Variants in GIPR observed in about 807,000 individuals in gnomAD.
The protein encoded by GIPR is GIP-R.
In GIPR, 74 loss-of-function variants were observed where a neutral mutation model predicts 62.2. The ratio of observed to expected loss-of-function variants is 1.19; its 90% CI spans 0.99 to 1.44. The LOEUF is 1.44. GIPR is among the 40% of genes most tolerant of loss of function. The pLI, the probability that GIPR is intolerant of heterozygous loss-of-function variation, is 0.00. For missense variants in GIPR, 664 were observed against 611.8 expected (o/e 1.09, Z -0.90); for synonymous variants, 256 against 262.2 (o/e 0.98, Z 0.23).
chr19:45,680,691 C>T (rs1440552477), intron 12 of GIPR, among the ~76,000 whole-genome samples: 3 of 151,178 alleles, frequency 2.0e-5, no homozygotes, highest in Non-Finnish European at 4.4e-5. Flanking sequence ...ATTAGCTAGG[C>T]GTGGGGGCGC....
intron 4 of GIPR, among the ~76,000 whole-genome samples, chr19:45,671,714 C>T (rs1737599220): frequency 6.6e-6 from 1 of 152,226 alleles, no homozygotes; most frequent in African/African-American, 2.4e-5. Flanking sequence ...ATTCTCCAGC[C>T]TCAGCCTCCC....
At chr19:45,672,719 AT>A in intron 4 of GIPR, 131 bp from the exon 5 acceptor site, 1 of 379,068 alleles carries the variant, frequency 2.6e-6, no homozygotes, top group Non-Finnish European at 4.6e-6. Flanking sequence ...ATAAGGGTTT[AT>A]CATCATCATC....
chr19:45,680,059 C>T (rs1005075600), intron 12 of GIPR, among the ~76,000 whole-genome samples: 11 of 152,092 alleles, frequency 7.2e-5, no homozygotes, highest in Admixed American at 2.0e-4. Flanking sequence ...TGTGAGCCAC[C>T]GCGCCTGGCC....
At chr19:45,673,007 A>T in intron 5 of GIPR, 53 bp downstream of exon 5, 1 of 1,065,188 alleles carries the variant, frequency 9.4e-7, no homozygotes, top group South Asian at 1.2e-5. Flanking sequence ...ATGGAAAGGC[A>T]GTAGATTCAG....
At chr19:45,669,629 G>A in intron 2 of GIPR, 37 bp downstream of exon 2, 1 of 1,552,036 alleles carries the variant, frequency 6.4e-7, no homozygotes, top group Non-Finnish European at 8.7e-7. Flanking sequence ...TCCAGGCTTG[G>A]AGGGAGGTAT....
chr19:45,671,270 C>T lies in GIPR; in HGVS notation c.173-15C>T, dbSNP rs1315860732. The T allele has an allele frequency of 6.6e-6, 10 of 1,521,388 alleles. No homozygotes were observed. The highest frequency in any genetic ancestry group is 9.1e-6 in the Non-Finnish European group (10 of 1,098,808). The allele number at this position is 1,521,388 out of a possible 1,614,324, so 94.2% of individuals were successfully genotyped here. ...GTAGGTCCACTGGGCACCTGGCCCCCGTGCCCACCCCCAGGCCTCGCCTGT... is the reference window on the plus strand; with the variant it reads ...GTAGGTCCACTGGGCACCTGGCCCCTGTGCCCACCCCCAGGCCTCGCCTGT... On this transcript the variant is annotated splice_polypyrimidine_tract_variant and intron_variant, in intron 3 of 13. Transcript: ENST00000590918.
Position 45,682,199 on chromosome 19 carries a change from G to A in GIPR, c.*264G>A, listed in dbSNP as rs73042335. The A allele has an allele frequency of 0.064, 32,200 of 504,392 alleles. 1,207 individuals carry two copies. The highest frequency in any genetic ancestry group is 0.11 in the East Asian group (3,110 of 27,248). 31.2% of individuals were successfully genotyped at this position (504,392 alleles called of 1,614,324 possible). A position where few individuals can be genotyped will look rare whatever the true frequency, so the allele number is the denominator to read the frequency against. Reference sequence around the variant, plus strand: ...GCGTCTCCAAGGAGGTGACACTTAAGCCATCCCCGAAAGAGGTGAAAGAGA... The same window carrying A: ...GCGTCTCCAAGGAGGTGACACTTAAACCATCCCCGAAAGAGGTGAAAGAGA... On this transcript the variant is annotated 3_prime_UTR_variant, in exon 14 of 14. Coordinates refer to ENST00000590918, the MANE Select transcript of GIPR (RefSeq NM_000164.4).
intron 12 of GIPR, among the ~76,000 whole-genome samples, chr19:45,679,035 G>A (rs1967099765): frequency 6.6e-6 from 1 of 152,216 alleles, no homozygotes; most frequent in African/African-American, 2.4e-5. Context: ...ACTAGTCTCA[G>A]TGGACAAGGC....
intron 4 of GIPR, among the ~76,000 whole-genome samples, chr19:45,671,796 A>T (rs1398024574): frequency 2.7e-5 from 4 of 147,486 alleles, no homozygotes; most frequent in African/African-American, 1.0e-4. Flanking sequence ...TTATATATAT[A>T]TTTTTAGTAC....
Position 45,677,781 on chromosome 19 carries a change from T to A in GIPR, c.924+2T>A. On this transcript the variant is annotated splice_donor_variant, in intron 10 of 13. Transcript: ENST00000590918. LOFTEE classifies it high-confidence loss of function. ...ACCCCCATCCTCATGACCATCTTGGTAGGATCGGTCCCGCCTCCACCAGGC... is the reference window on the plus strand; with the variant it reads ...ACCCCCATCCTCATGACCATCTTGGAAGGATCGGTCCCGCCTCCACCAGGC... 6.2e-7 allele frequency: 1 copy of A among 1,612,390 alleles called. No homozygotes were observed. Among genetic ancestry groups the A allele is most frequent in the Non-Finnish European group, 8.5e-7 (1 of 1,178,456 alleles).
Position 45,682,587 on chromosome 19 carries a change from G to A in GIPR, c.*652G>A, listed in dbSNP as rs1967306215. The A allele has an allele frequency of 7.1e-6, 1 of 141,530 alleles. No homozygotes were observed. The highest frequency in any genetic ancestry group is 7.2e-5 in the Admixed American group (1 of 13,808). 8.8% of individuals were successfully genotyped at this position (141,530 alleles called of 1,614,324 possible). On this transcript the variant is annotated 3_prime_UTR_variant, in exon 14 of 14. Transcript: ENST00000590918. ...GCTTTTTTTTTTTTTTTTAAACGGAGTCTCACTCTGTCACCCAGGCTGGAG... is the reference window on the plus strand; with the variant it reads ...GCTTTTTTTTTTTTTTTTAAACGGAATCTCACTCTGTCACCCAGGCTGGAG...
chr19:45,681,332 TA>T (rs1025547510), intron 12 of GIPR, among the ~76,000 whole-genome samples: 46 of 152,078 alleles, frequency 3.0e-4, no homozygotes, highest in African/African-American at 1.1e-3. Flanking sequence ...CCGTCTCTAC[TA>T]AAAATACAAA....
At chr19:45,672,114 G>T (rs1341826437) in intron 4 of GIPR, among the ~76,000 whole-genome samples, 3 of 151,770 alleles carry the variant, frequency 2.0e-5, no homozygotes, top group Admixed American at 6.6e-5. Context: ...CTGGGTTGAA[G>T]CGATCCTCCC....
intron 3 of GIPR, 124 bp downstream of exon 3, chr19:45,670,858 G>A (rs1975497821): frequency 1.5e-6 from 1 of 651,684 alleles, no homozygotes; most frequent in South Asian, 1.8e-5. Flanking sequence ...GAGGCCCGGG[G>A]ACTGACCTGA....
chr19:45,670,567 C>A, intron 2 of GIPR, 68 bp from the exon 3 acceptor site: 2 of 1,100,840 alleles, frequency 1.8e-6, no homozygotes, highest in African/African-American at 1.5e-5. Flanking sequence ...CGCTTCTGGG[C>A]CACATGGACC....
chr19:45,678,603 T>C (rs1967079043), intron 12 of GIPR, among the ~76,000 whole-genome samples: 1 of 152,168 alleles, frequency 6.6e-6, no homozygotes, highest in African/African-American at 2.4e-5. Context: ...CCTTGGGTAG[T>C]CCACCCGCCT....
rs576614520 is a variant in GIPR, at chr19:45,671,605, A to G, written c.280+213A>G. On this transcript the variant is annotated intron_variant, in intron 4 of 13. Coordinates refer to ENST00000590918, the MANE Select transcript of GIPR (RefSeq NM_000164.4). ...CTTCTCTGTCTCCGTATCTCTTTCT[A>G]TTTATTTATTTGGAGACGGAGTCTC... is the stretch of plus-strand genomic sequence containing the variant. 7.9e-5 allele frequency among the ~76,000 whole-genome samples: 12 copies of G among 151,774 alleles called. No individual in the cohort carries two copies. The South Asian group carries it at 2.3e-3, about 29-fold the overall frequency.
rs368392734 is a variant in GIPR, at chr19:45,681,355, C to T, written c.1153-249C>T. On this transcript the variant is annotated intron_variant, in intron 12 of 13. Transcript: ENST00000590918. Reference sequence around the variant, plus strand: ...ACTAAAAATACAAAAATTAGCTGGGCGTGGTGGAGGGCGCCTGTAATCCCA... The same window carrying T: ...ACTAAAAATACAAAAATTAGCTGGGTGTGGTGGAGGGCGCCTGTAATCCCA... Among the ~76,000 whole-genome samples the T allele has an allele frequency of 2.0e-5, 3 of 152,012 alleles. No individual in the cohort carries two copies. The East Asian group carries it at 5.8e-4, about 29-fold the overall frequency.
chr19:45,679,132 G>A (rs1272017671), intron 12 of GIPR, among the ~76,000 whole-genome samples: 1 of 152,066 alleles, frequency 6.6e-6, no homozygotes, highest in East Asian at 1.9e-4. Flanking sequence ...ATACAGCCAA[G>A]AACCAAATGG....
Sources: gnomAD v4.1 joint callset for allele counts (sites outside exome capture counted in the v4.1 genomes callset) on GRCh38, gnomAD v4.1.1 for gene constraint, MANE v1.5 for transcripts, NCBI Gene and HGNC (gene_info 2026-07-23, HGNC 2026-07-21) for gene names.